UCHL5: variants seen among roughly 807,000 people sequenced by gnomAD.
UCHL5 encodes the protein ubiquitin carboxyl-terminal hydrolase isozyme L5.
A neutral mutation model predicts 53.8 loss-of-function variants in UCHL5; 34 were observed. The observed-to-expected ratio is 0.63, with a 90% CI of 0.48 to 0.84. The LOEUF (loss-of-function observed/expected upper bound fraction) is 0.84, where lower values mean the gene tolerates loss of function less well. Among genes scored for constraint, UCHL5 ranks in the 40% least tolerant of loss-of-function variants. The pLI, the probability that UCHL5 is intolerant of heterozygous loss-of-function variation, is 0.00. For synonymous variants in UCHL5, 111 were observed against 126.3 expected, an observed-to-expected ratio of 0.88 and a Z score of 0.81; for missense variants, 290 against 385.6, an observed-to-expected ratio of 0.75 and a Z score of 2.08.
chr1:193,020,424 TTA>T, intron 10 of UCHL5: 1 of 1,545,546 alleles, frequency 6.5e-7, no homozygotes, highest in Non-Finnish European at 8.7e-7. Flanking sequence ...CTTGGGGAAC[TTA>T]TTAAAGAATC....
intron 8 of UCHL5, 140 bp from the exon 9 acceptor site, chr1:193,023,176 G>T (rs1657793185): frequency 9.9e-6 from 6 of 608,000 alleles, no homozygotes; most frequent in Non-Finnish European, 8.6e-6. Context: ...CCTAACAGCA[G>T]CATTAAAGGA....
intron 3 of UCHL5, among the ~76,000 whole-genome samples, chr1:193,043,073 T>C (rs189943884): frequency 2.6e-4 from 35 of 134,508 alleles, no homozygotes; most frequent in Non-Finnish European, 5.3e-4. Context: ...TCTTGGACCA[T>C]GAAATAACCT....
upstream of UCHL5, chr1:193,059,597 A>C (rs755000610): frequency 1.4e-6 from 2 of 1,452,878 alleles, no homozygotes; most frequent in Non-Finnish European, 1.9e-6. The surrounding 1 kb of genome is among the most constrained non-coding windows in gnomAD (Gnocchi z 4.9). Context: ...GGCGGGGCAA[A>C]AGAAGAGGGG....
chr1:193,028,475 T>C (rs933770321), intron 6 of UCHL5, among the ~76,000 whole-genome samples: 1 of 152,132 alleles, frequency 6.6e-6, no homozygotes, highest in Non-Finnish European at 1.5e-5. Flanking sequence ...GTTTTATGAA[T>C]AGCCTATAAC....
chr1:193,049,740 C>G lies in UCHL5; in HGVS notation c.246+6G>C. ...TGAGACTTTTCAGAGTATCCAAGGA[C>G]CATACCTGCTTAGCAAAAAATATCG... On this transcript the variant is annotated splice_donor_region_variant and intron_variant, in intron 3 of 10. Transcript: ENST00000367454. The G allele has an allele frequency of 1.2e-6, 2 of 1,607,122 alleles. No individual in the cohort carries two copies. Among genetic ancestry groups the G allele is most frequent in the Non-Finnish European group, 1.7e-6 (2 of 1,175,958 alleles).
intron 3 of UCHL5, among the ~76,000 whole-genome samples, chr1:193,049,124 T>A (rs559244545): frequency 2.2e-4 from 33 of 152,288 alleles, no homozygotes; most frequent in African/African-American, 6.7e-4. Flanking sequence ...GTCAAATTCC[T>A]GGGCTCAGCC....
intron 3 of UCHL5, among the ~76,000 whole-genome samples, chr1:193,048,316 G>A (rs1667969734): frequency 6.6e-6 from 1 of 152,168 alleles, no homozygotes; most frequent in African/African-American, 2.4e-5. Context: ...AAAATTAGAA[G>A]TTTGTAAAAC....
At chr1:193,038,717 C>G (rs1664506580) in intron 3 of UCHL5, among the ~76,000 whole-genome samples, 1 of 152,042 alleles carries the variant, frequency 6.6e-6, no homozygotes, top group Non-Finnish European at 1.5e-5. Flanking sequence ...AGGATATAAC[C>G]AAGCACAGTA....
At chr1:193,049,177 C>T (rs1464765315) in intron 3 of UCHL5, among the ~76,000 whole-genome samples, 3 of 152,168 alleles carry the variant, frequency 2.0e-5, no homozygotes, top group Non-Finnish European at 4.4e-5. Flanking sequence ...CTTTGGGAGG[C>T]CAAGGCGGGT....
chr1:193,036,739 G>A (rs1663649395), intron 3 of UCHL5, among the ~76,000 whole-genome samples: 1 of 151,956 alleles, frequency 6.6e-6, no homozygotes, highest in Non-Finnish European at 1.5e-5. Flanking sequence ...GACCATGTTA[G>A]TCCACAAAAC....
At chr1:193,029,758 T>C (rs941706110) in intron 3 of UCHL5, 101 bp from the exon 4 acceptor site, 3 of 943,924 alleles carry the variant, frequency 3.2e-6, no homozygotes, top group Middle Eastern at 6.9e-4. Context: ...TTTCAAATTA[T>C]ATTTTATGAA....
intron 3 of UCHL5, among the ~76,000 whole-genome samples, chr1:193,030,967 T>C (rs1297173569): frequency 1.3e-5 from 2 of 152,178 alleles, no homozygotes; most frequent in African/African-American, 2.4e-5. Context: ...GCTTCTACAA[T>C]TCTTCTCTTT....
chr1:193,013,429 A>G lies in UCHL5; in HGVS notation c.*2922T>C, dbSNP rs1411494570. On this transcript the variant is annotated 3_prime_UTR_variant, in exon 11 of 11. Transcript: ENST00000367454. Reference sequence around the variant, plus strand: ...GAAAATTTGTATATGATCAAGTTTAAAAATAATATAAACTTCATAGAACTA... The same window carrying G: ...GAAAATTTGTATATGATCAAGTTTAGAAATAATATAAACTTCATAGAACTA... 1 of 152,192 alleles carries G rather than the reference A, an allele frequency of 6.6e-6. No homozygotes were observed. Among genetic ancestry groups the G allele is most frequent in the Non-Finnish European group, 1.5e-5 (1 of 68,032 alleles). The allele number at this position is 152,192 out of a possible 1,614,324, so 9.4% of individuals were successfully genotyped here.
intron 7 of UCHL5, 45 bp from the exon 8 acceptor site, chr1:193,023,991 C>T (rs369646878): frequency 2.3e-6 from 3 of 1,325,508 alleles, no homozygotes; most frequent in African/African-American, 3.0e-5. Context: ...AAGAATTGTA[C>T]AACTATTACC....
intron 3 of UCHL5, among the ~76,000 whole-genome samples, chr1:193,044,121 G>T (rs1199784307): frequency 6.6e-6 from 1 of 152,158 alleles, no homozygotes; most frequent in Admixed American, 6.5e-5. Flanking sequence ...GGGTAGTTTT[G>T]TGGACAGTTC....
intron 1 of UCHL5, among the ~76,000 whole-genome samples, chr1:193,055,625 C>T (rs1239806316): frequency 6.6e-6 from 1 of 152,078 alleles, no homozygotes; most frequent in African/African-American, 2.4e-5. Flanking sequence ...TTGTCAAATG[C>T]CTTTTGCATC....
chr1:193,048,995 G>A (rs910663261), intron 3 of UCHL5, among the ~76,000 whole-genome samples: 3 of 151,960 alleles, frequency 2.0e-5, no homozygotes, highest in Non-Finnish European at 2.9e-5. Context: ...CTCATGCAGT[G>A]TTCCCACCTC....
At chr1:193,046,406 A>T (rs192632152) in intron 3 of UCHL5, among the ~76,000 whole-genome samples, 194 of 152,118 alleles carry the variant, frequency 1.3e-3, no homozygotes, top group Non-Finnish European at 2.1e-3. Context: ...AAATTACAGG[A>T]TATTTATACC....
At chr1:193,022,902 A>T in intron 9 of UCHL5, 24 bp downstream of exon 9, 1 of 1,519,708 alleles carries the variant, frequency 6.6e-7, no homozygotes, top group Middle Eastern at 1.9e-4. Context: ...AAAACATTAA[A>T]GGAACACATT....
Sources: gnomAD v4.1 joint callset for allele counts (sites outside exome capture counted in the v4.1 genomes callset) on GRCh38, gnomAD v4.1.1 for gene constraint, Gnocchi (gnomAD v3.1) non-coding constraint, MANE v1.5 for transcripts, NCBI Gene and HGNC (gene_info 2026-07-23, HGNC 2026-07-21) for gene names.